Variants in GRIN3A observed in about 807,000 individuals in gnomAD.
GRIN3A encodes glutamate receptor ionotropic, NMDA 3A.
GRIN3A carries 47 observed loss-of-function variants against 92.4 expected under a neutral mutation model. The ratio of observed to expected loss-of-function variants is 0.51; its 90% CI spans 0.40 to 0.65. GRIN3A has a LOEUF of 0.65. GRIN3A is among the 30% of genes least tolerant of loss of function. The pLI is 0.00. For synonymous variants in GRIN3A, 527 were observed against 540.6 expected, an observed-to-expected ratio of 0.97 and a Z score of 0.35; for missense variants, 1,324 against 1,393.1, an observed-to-expected ratio of 0.95 and a Z score of 0.79.
At chr9:101,593,124 T>C (rs568502989) in intron 6 of GRIN3A, 14 of 152,334 alleles carry the variant, frequency 9.2e-5, no homozygotes, top group African/African-American at 3.1e-4. Context: ...GGTAAACAAA[T>C]TCTCCAAAAC....
rs987108102 is a variant in GRIN3A at position 101,738,193 on chromosome 9, G to T, written c.-214C>A. The stretch of plus-strand genomic sequence containing the variant: ...TCCCGCTCCCAGGTCCCTCCGCCTG[G>T]CATCCTCTGCCCGCCCGGTCACTGC... On this transcript the variant is annotated 5_prime_UTR_variant, in exon 1 of 9. Transcript: ENST00000361820. The T allele has an allele frequency of 3.2e-5, 20 of 620,206 alleles. No individual in the cohort carries two copies. The highest frequency in any genetic ancestry group is 2.9e-4 in the African/African-American group (16 of 54,764). The allele number at this position is 620,206 out of a possible 1,614,324, so 38.4% of individuals were successfully genotyped here.
At chr9:101,638,693 G>T (rs1277892273) in intron 3 of GRIN3A, among the ~76,000 whole-genome samples, 1 of 152,206 alleles carries the variant, frequency 6.6e-6, no homozygotes, top group Non-Finnish European at 1.5e-5. Flanking sequence ...AAAATCCTTA[G>T]AATAGCTAAC....
In GRIN3A at chr9:101,573,336, A is replaced by G. The variant is rs1165402806; in HGVS notation, c.3186T>C (p.Asn1062=). Residue 1062 remains asparagine (N), a synonymous_variant, in exon 9 of 9, where the codon AAT becomes AAC. Transcript: ENST00000361820. ...RRELPALRTT[N]GKADSLNVSR... ...ATACATTTAGGGAGTCTGCTTTCCC[A>G]TTGGTGGTCCGCAAGGCAGGGAGCT... The G allele has an allele frequency of 9.9e-6, 16 of 1,613,860 alleles. No homozygotes were observed. Among genetic ancestry groups the G allele is most frequent in the South Asian group, 2.2e-5 (2 of 91,072 alleles).
chr9:101,686,551 T>C lies in GRIN3A; in HGVS notation c.1304+45A>G, dbSNP rs555038828. On this transcript the variant is annotated intron_variant, in intron 2 of 8. Transcript: ENST00000361820. ...ACAGATAGGGGAATTTTACTCTCTG[T>C]CATGGCCCTATGAATGGGGATATAA... The C allele has an allele frequency of 1.6e-5, 25 of 1,610,090 alleles. No individual in the cohort carries two copies. The African/African-American group carries it at 3.1e-4, about 20-fold the overall frequency.
chr9:101,595,533 G>A (rs571280665), intron 6 of GRIN3A, among the ~76,000 whole-genome samples: 2 of 152,214 alleles, frequency 1.3e-5, no homozygotes, highest in South Asian at 2.1e-4. Context: ...CATTGATATA[G>A]TATGTTTTCC....
intron 1 of GRIN3A, among the ~76,000 whole-genome samples, chr9:101,731,963 C>T (rs1418174140): frequency 1.3e-5 from 2 of 152,148 alleles, no homozygotes; most frequent in African/African-American, 2.4e-5. Context: ...TTCTTCTTGC[C>T]TAGTTTTATG....
intron 3 of GRIN3A, among the ~76,000 whole-genome samples, chr9:101,651,717 T>A (rs1432429287): frequency 6.6e-6 from 1 of 151,798 alleles, no homozygotes; most frequent in Non-Finnish European, 1.5e-5. Flanking sequence ...GGAGGGTTAT[T>A]ATAAGTCTGT....
At chr9:101,626,405 C>A (rs981979949) in intron 4 of GRIN3A, among the ~76,000 whole-genome samples, 1 of 152,112 alleles carries the variant, frequency 6.6e-6, no homozygotes, top group Non-Finnish European at 1.5e-5. Context: ...CTTGCACAGG[C>A]AATGCTAGGG....
chr9:101,622,684 T>G (rs1828573982), intron 5 of GRIN3A, among the ~76,000 whole-genome samples: 1 of 152,196 alleles, frequency 6.6e-6, no homozygotes, highest in African/African-American at 2.4e-5. Context: ...GGAATAATAC[T>G]TATTTAAGAA....
At chr9:101,610,496 C>T (rs1181274141) in intron 6 of GRIN3A, among the ~76,000 whole-genome samples, 1 of 152,118 alleles carries the variant, frequency 6.6e-6, no homozygotes, top group Non-Finnish European at 1.5e-5. Context: ...TCCAACCCAT[C>T]CTATGTTTCT....
chr9:101,613,554 G>A (rs1828398236), intron 5 of GRIN3A, 27 bp from the exon 6 acceptor site: 2 of 1,612,122 alleles, frequency 1.2e-6, no homozygotes, highest in South Asian at 1.1e-5. Flanking sequence ...TCTCAGATGA[G>A]TTTTTTACAC....
At chr9:101,669,939 A>C (rs911992141) in intron 3 of GRIN3A, 121 bp downstream of exon 3, 6 of 769,922 alleles carry the variant, frequency 7.8e-6, no homozygotes, top group African/African-American at 1.7e-5. Flanking sequence ...ACTAGTCTCT[A>C]TACTTGGCTG....
At chr9:101,632,510 A>C (rs1828728932) in intron 3 of GRIN3A, among the ~76,000 whole-genome samples, 1 of 152,230 alleles carries the variant, frequency 6.6e-6, no homozygotes, top group African/African-American at 2.4e-5. Flanking sequence ...CATTATTAAG[A>C]GAATGAATGA....
intron 1 of GRIN3A, among the ~76,000 whole-genome samples, chr9:101,705,700 G>A (rs1829809427): frequency 6.6e-6 from 1 of 152,196 alleles, no homozygotes; most frequent in South Asian, 2.1e-4. Context: ...AGGGGGATCA[G>A]AGAGTGAAAA....
chr9:101,685,848 T>C (rs1829527339), intron 2 of GRIN3A, among the ~76,000 whole-genome samples: 1 of 151,998 alleles, frequency 6.6e-6, no homozygotes, highest in African/African-American at 2.4e-5. Context: ...CTATCAATCA[T>C]CAATCACAAT....
At chr9:101,597,601 T>C (rs1828153660) in intron 6 of GRIN3A, among the ~76,000 whole-genome samples, 1 of 152,186 alleles carries the variant, frequency 6.6e-6, no homozygotes, top group South Asian at 2.1e-4. Flanking sequence ...TAGATAGAAT[T>C]GGTATCTCAC....
At position 101,670,510 on chromosome 9, in the gene GRIN3A, G is replaced by A. The variant is rs757011388; in HGVS notation, c.1902C>T (p.Ile634=). The A allele has an allele frequency of 2.0e-5, 33 of 1,613,868 alleles. 1 individual carries two copies. Among genetic ancestry groups the A allele is most frequent in the Admixed American group, 1.8e-4 (11 of 59,960 alleles). Residue 634 remains isoleucine, a synonymous_variant, in exon 3 of 9, where the codon ATC becomes ATT. Transcript: ENST00000361820. ...CTATCACCTGGCTCCGTGCAGTATTGATGCTAAAGGAAGTGACTGCCATGT... is the reference window on the plus strand; with the variant it reads ...CTATCACCTGGCTCCGTGCAGTATTAATGCTAAAGGAAGTGACTGCCATGT... The part of the protein sequence containing the change: ...TAHMAVTSFS[I]NTARSQVIDF...
At chr9:101,594,607 G>A (rs774049465) in intron 6 of GRIN3A, 1 of 1,614,196 alleles carries the variant, frequency 6.2e-7, no homozygotes, top group Non-Finnish European at 8.5e-7. Flanking sequence ...TGGAAATGTA[G>A]CCATCTTTAT....
intron 1 of GRIN3A, among the ~76,000 whole-genome samples, chr9:101,690,021 A>G (rs1370907035): frequency 6.6e-6 from 1 of 152,216 alleles, no homozygotes; most frequent in African/African-American, 2.4e-5. Context: ...CTCAAGAAAT[A>G]GGAAGCCTGT....
Sources: allele counts gnomAD v4.1 joint callset (sites outside exome capture counted in the v4.1 genomes callset), GRCh38; gene constraint gnomAD v4.1.1; transcripts MANE v1.5; gene names NCBI Gene and HGNC (gene_info 2026-07-23, HGNC 2026-07-21).